The following MYOD1 variants were observed in gnomAD, a reference collection of about 807,000 sequenced individuals.
The protein encoded by MYOD1 is myogenic differentiation 1.
Under a neutral mutation model 14.9 loss-of-function variants are expected in MYOD1, and 15 were observed. That is an observed-to-expected ratio of 1.01 (90% CI 0.67 to 1.55). MYOD1 has a LOEUF of 1.55. MYOD1 is among the 40% of genes most tolerant of loss of function. MYOD1 has a pLI of 0.00. For missense variants in MYOD1, 529 were observed against 482.6 expected (o/e 1.10, Z -0.90); for synonymous variants, 235 against 218.6 (o/e 1.07, Z -0.66).
chr11:17,721,440 C>A lies in MYOD1; in HGVS notation c.895C>A (p.Gln299Lys). 3 of 1,597,834 alleles carry A rather than the reference C, an allele frequency of 1.9e-6. No individual in the cohort carries two copies. The highest frequency in any genetic ancestry group is 2.5e-6 in the Non-Finnish European group (3 of 1,177,316). ...SEGESSGDPT[Q>K]SPDAAPQCPA... ...GGGAGAGAGCAGCGGCGACCCCACC[C>A]AGTCACCGGACGCCGCCCCGCAGTG... The change falls in exon 3 of 3, where the codon CAG (glutamine) becomes AAG (lysine). Residue 299 changes from glutamine to lysine, a missense_variant. Gln to Lys is a moderately conservative substitution (Grantham distance 53). Transcript: ENST00000250003. The surrounding 1 kb of genome is among the most constrained non-coding windows in gnomAD (Gnocchi z 6.2).
In MYOD1 at chr11:17,719,860, G is replaced by C. The variant is rs375842019; in HGVS notation, c.78G>C (p.Thr26=). The change falls in exon 1 of 3, where the codon ACG becomes ACC. Residue 26 remains threonine (T), a synonymous_variant. Transcript: ENST00000250003. ...GCTCTCTCTGCTCCTTTGCCACAAC[G>C]GACGACTTCTATGACGACCCGTGTT... The part of the protein sequence containing the change: ...PDGSLCSFAT[T]DDFYDDPCFD... 6.2e-7 allele frequency: 1 copy of C among 1,613,826 alleles called. No homozygotes were observed. The highest frequency in any genetic ancestry group is 1.7e-5 in the Admixed American group (1 of 60,026).
In MYOD1 at chr11:17,721,323, T is replaced by TCCA; in HGVS notation, c.781_783dup (p.Thr261dup). 3.1e-6 allele frequency: 5 copies of TCCA among 1,591,004 alleles called. No homozygotes were observed. The highest frequency in any genetic ancestry group is 4.3e-6 in the Non-Finnish European group (5 of 1,175,572). ...CCTGTCCAGCATCGTGGAGCGCATC[T>TCCA]CCACCGAGAGCCCTGCGGCGCCCGC... is the stretch of plus-strand genomic sequence containing the variant. On this transcript the variant is annotated inframe_insertion, in exon 3 of 3. Coordinates refer to ENST00000250003, the MANE Select transcript of MYOD1 (RefSeq NM_002478.5). This position sits in a 1 kb window ranked among gnomAD's most constrained non-coding sequence, Gnocchi z 6.2.
At position 17,721,701 on chromosome 11, in the gene MYOD1, C is replaced by A; in HGVS notation, c.*193C>A. The A allele has an allele frequency of 1.7e-6, 1 of 579,110 alleles. No homozygotes were observed. The highest frequency in any genetic ancestry group is 2.8e-6 in the Non-Finnish European group (1 of 359,372). 35.9% of individuals were successfully genotyped at this position (579,110 alleles called of 1,614,324 possible). ...ACACAGCGCGGTTTTTTCCACGCAG[C>A]ACCCTTCTCGGAGACCCATTGCGAT... On this transcript the variant is annotated 3_prime_UTR_variant, in exon 3 of 3. Transcript: ENST00000250003. This position sits in a 1 kb window ranked among gnomAD's most constrained non-coding sequence, Gnocchi z 6.2.
rs375605280 is a variant in MYOD1 at position 17,719,793 on chromosome 11, T to G, written c.11T>G (p.Leu4Arg). MEL[L>R]SPPLRDVDLT... ...CGCCACCGCCAGGATATGGAGCTAC[T>G]GTCGCCACCGCTCCGCGACGTAGAC... The change falls in exon 1 of 3, where the codon CTG (leucine) becomes CGG (arginine). Residue 4 changes from leucine to arginine, a missense_variant. Coordinates refer to ENST00000250003, the MANE Select transcript of MYOD1 (RefSeq NM_002478.5). 3.1e-6 allele frequency: 5 copies of G among 1,612,700 alleles called. No homozygotes were observed. The African/African-American group carries it at 4.0e-5, about 13-fold the overall frequency.
At position 17,720,347 on chromosome 11, in the gene MYOD1, G is replaced by A; in HGVS notation, c.565G>A (p.Gly189Ser). The A allele has an allele frequency of 6.5e-7, 1 of 1,535,978 alleles. No individual in the cohort carries two copies. Among genetic ancestry groups the A allele is most frequent in the Non-Finnish European group, 8.7e-7 (1 of 1,151,178 alleles). ...GCCGGGCCCGCTGCCCCCGGGCCGC[G>A]GCGGCGAGCACTACAGCGGCGACTC... ...YAPGPLPPGR[G>S]GEHYSGDSDA... The change falls in exon 1 of 3, where the codon GGC becomes AGC. Residue 189 changes from glycine (G) to serine (S), a missense_variant. Coordinates refer to ENST00000250003, the MANE Select transcript of MYOD1 (RefSeq NM_002478.5).
At position 17,721,068 on chromosome 11, in the gene MYOD1, C is replaced by T; in HGVS notation, c.709+88C>T. On this transcript the variant is annotated intron_variant, in intron 2 of 2. Transcript: ENST00000250003. The surrounding 1 kb of genome is among the most constrained non-coding windows in gnomAD (Gnocchi z 6.2). The stretch of plus-strand genomic sequence containing the variant: ...TCTAGGACGCTCCCACCCCCACTCA[C>T]ACACGCCTATGTCCTGGGAAGTGGT... 1.4e-6 allele frequency: 2 copies of T among 1,425,980 alleles called. No individual in the cohort carries two copies. Among genetic ancestry groups the T allele is most frequent in the South Asian group, 1.5e-5 (1 of 68,364 alleles). 88.3% of individuals were successfully genotyped at this position (1,425,980 alleles called of 1,614,324 possible).
Position 17,721,883 on chromosome 11 carries a change from G to C in MYOD1, c.*375G>C, listed in dbSNP as rs183016031. ...GGGGGCGTGAGACCCAGTGCACTCC[G>C]GTCCCAAATGTAGCAGGTGTAACCG... On this transcript the variant is annotated 3_prime_UTR_variant, in exon 3 of 3. Coordinates refer to ENST00000250003, the MANE Select transcript of MYOD1 (RefSeq NM_002478.5). The surrounding 1 kb of genome is among the most constrained non-coding windows in gnomAD (Gnocchi z 6.2). The C allele has an allele frequency of 1.0e-5, 3 of 287,896 alleles. No individual in the cohort carries two copies. The highest frequency in any genetic ancestry group is 1.9e-5 in the Non-Finnish European group (3 of 155,824). 17.8% of individuals were successfully genotyped at this position (287,896 alleles called of 1,614,324 possible).
At position 17,719,976 on chromosome 11, in the gene MYOD1, T is replaced by A. The variant is rs200110749; in HGVS notation, c.194T>A (p.Phe65Tyr). Residue 65 changes from phenylalanine to tyrosine, a missense_variant, in exon 1 of 3, where the codon TTC becomes TAC. By Grantham distance (22) the Phe-to-Tyr change is conservative. Coordinates refer to ENST00000250003, the MANE Select transcript of MYOD1 (RefSeq NM_002478.5). ...ALLKPEEHSH[F>Y]PAAVHPAPGA... Reference sequence around the variant, plus strand: ...CTGAAACCCGAAGAGCACTCGCACTTCCCCGCGGCGGTGCACCCGGCCCCG... The same window carrying A: ...CTGAAACCCGAAGAGCACTCGCACTACCCCGCGGCGGTGCACCCGGCCCCG... 2.7e-5 allele frequency: 44 copies of A among 1,611,930 alleles called. No individual in the cohort carries two copies. The Admixed American group carries it at 4.2e-4, about 15-fold the overall frequency.
Position 17,719,874 on chromosome 11 carries a change from A to T in MYOD1, c.92A>T (p.Asp31Val), listed in dbSNP as rs964978987. 3 of 1,613,838 alleles carry T rather than the reference A, an allele frequency of 1.9e-6. No individual in the cohort carries two copies. Among genetic ancestry groups the T allele is most frequent in the Non-Finnish European group, 2.5e-6 (3 of 1,179,998 alleles). Reference sequence around the variant, plus strand: ...TTTGCCACAACGGACGACTTCTATGACGACCCGTGTTTCGACTCCCCGGAC... The same window carrying T: ...TTTGCCACAACGGACGACTTCTATGTCGACCCGTGTTTCGACTCCCCGGAC... ...CSFATTDDFY[D>V]DPCFDSPDLR... Residue 31 changes from aspartate to valine, a missense_variant, in exon 1 of 3, where the codon GAC becomes GTC. Asp to Val is a radical substitution (Grantham distance 152, BLOSUM62 -3). Transcript: ENST00000250003.
chr11:17,720,698 C>T (rs1367948288), intron 1 of MYOD1, among the ~76,000 whole-genome samples: 1 of 152,220 alleles, frequency 6.6e-6, no homozygotes, highest in Non-Finnish European at 1.5e-5. Context: ...ATTTGCGCCC[C>T]TTGGTGACTG....
chr11:17,719,737 G>A lies in MYOD1; in HGVS notation c.-46G>A. The A allele has an allele frequency of 6.4e-7, 1 of 1,560,650 alleles. No homozygotes were observed. On this transcript the variant is annotated 5_prime_UTR_variant, in exon 1 of 3. Coordinates refer to ENST00000250003, the MANE Select transcript of MYOD1 (RefSeq NM_002478.5). ...CAGAAAGTTCCGGCCACTCTCTGCC[G>A]CTTGGGTTGGGCGAAGCCAGGACCG...
rs754871621 is a variant in MYOD1, at chr11:17,719,958, C to T, written c.176C>T (p.Pro59Leu). The stretch of plus-strand genomic sequence containing the variant: ...ATGCACGTGGGCGCGCTCCTGAAAC[C>T]CGAAGAGCACTCGCACTTCCCCGCG... Reference protein sequence around the residue: ...RLMHVGALLKPEEHSHFPAAV... With the variant: ...RLMHVGALLKLEEHSHFPAAV... Residue 59 changes from proline to leucine, a missense_variant, in exon 1 of 3, where the codon CCC becomes CTC. Pro to Leu is a moderately conservative substitution (Grantham distance 98). Transcript: ENST00000250003. 2 of 1,613,290 alleles carry T rather than the reference C, an allele frequency of 1.2e-6. No individual in the cohort carries two copies. The highest frequency in any genetic ancestry group is 1.3e-5 in the African/African-American group (1 of 74,926).
rs991878320 is a variant in MYOD1, at chr11:17,721,608, A to G, written c.*100A>G. On this transcript the variant is annotated 3_prime_UTR_variant, in exon 3 of 3. Coordinates refer to ENST00000250003, the MANE Select transcript of MYOD1 (RefSeq NM_002478.5). This position sits in a 1 kb window ranked among gnomAD's most constrained non-coding sequence, Gnocchi z 6.2. ...TGCCCCCCTCCCAACAGCGCTTTAA[A>G]AGCGACCTCTCTTGAGGTAGGAGAG... The G allele has an allele frequency of 1.2e-5, 17 of 1,376,552 alleles. No homozygotes were observed. In the African/African-American group the frequency reaches 2.4e-4, roughly 19 times the overall value. The allele number at this position is 1,376,552 out of a possible 1,614,324, so 85.3% of individuals were successfully genotyped here.
At position 17,720,226 on chromosome 11, in the gene MYOD1, G is replaced by A. The variant is rs965053760; in HGVS notation, c.444G>A (p.Glu148=). Residue 148 remains glutamate, a synonymous_variant, in exon 1 of 3, where the codon GAG becomes GAA. Transcript: ENST00000250003. ...CAAACCAGCGGTTGCCCAAGGTGGA[G>A]ATCCTGCGCAACGCCATCCGCTATA... is the stretch of plus-strand genomic sequence containing the variant. ...SNPNQRLPKV[E]ILRNAIRYIE... The A allele has an allele frequency of 1.2e-6, 2 of 1,608,646 alleles. No individual in the cohort carries two copies. The highest frequency in any genetic ancestry group is 1.7e-6 in the Non-Finnish European group (2 of 1,178,422).
chr11:17,721,241 C>T lies in MYOD1; in HGVS notation c.710-14C>T. The T allele has an allele frequency of 2.6e-6, 4 of 1,525,118 alleles. No individual in the cohort carries two copies. Among genetic ancestry groups the T allele is most frequent in the Non-Finnish European group, 3.5e-6 (4 of 1,137,838 alleles). The allele number at this position is 1,525,118 out of a possible 1,614,324, so 94.5% of individuals were successfully genotyped here. A position where few individuals can be genotyped will look rare whatever the true frequency, so the allele number is the denominator to read the frequency against. ...GCCCCACCCCTGCTTACTAACCGAGCCCTCCCCGCGCAGAACCCAGGCCCG... is the reference window on the plus strand; with the variant it reads ...GCCCCACCCCTGCTTACTAACCGAGTCCTCCCCGCGCAGAACCCAGGCCCG... On this transcript the variant is annotated splice_polypyrimidine_tract_variant and intron_variant, in intron 2 of 2. Coordinates refer to ENST00000250003, the MANE Select transcript of MYOD1 (RefSeq NM_002478.5). This position sits in a 1 kb window ranked among gnomAD's most constrained non-coding sequence, Gnocchi z 6.2.
Position 17,720,996 on chromosome 11 carries a change from C to A in MYOD1, c.709+16C>A, listed in dbSNP as rs759205969. 1 of 1,565,402 alleles carries A rather than the reference C, an allele frequency of 6.4e-7. No homozygotes were observed. The highest frequency in any genetic ancestry group is 2.3e-5 in the East Asian group (1 of 42,868). On this transcript the variant is annotated intron_variant, in intron 2 of 2. Coordinates refer to ENST00000250003, the MANE Select transcript of MYOD1 (RefSeq NM_002478.5). ...GCGCCCAGCGGTGGGTATTCCGGGC[C>A]TCTCCCTGCTCGCTCCTCCTCCTTC...
chr11:17,720,476 T>C, intron 1 of MYOD1, 64 bp downstream of exon 1: 1 of 1,470,724 alleles, frequency 6.8e-7, no homozygotes, highest in Non-Finnish European at 8.9e-7. Context: ...GGGACGCGTT[T>C]CCGAGGGCGG....
In MYOD1 at chr11:17,719,670, A is replaced by C. The variant is rs940769498; in HGVS notation, c.-113A>C. ...TGGGGGACAGTGGGTGGGCATTCAG[A>C]CTGCCAGCACTTTGCTATCTACAGC... On this transcript the variant is annotated 5_prime_UTR_variant, in exon 1 of 3. Coordinates refer to ENST00000250003, the MANE Select transcript of MYOD1 (RefSeq NM_002478.5). 2.1e-5 allele frequency: 28 copies of C among 1,351,420 alleles called. No homozygotes were observed. In the Admixed American group the frequency reaches 6.6e-4, roughly 32 times the overall value. 83.7% of individuals were successfully genotyped at this position (1,351,420 alleles called of 1,614,324 possible). A position where few individuals can be genotyped will look rare whatever the true frequency, so the allele number is the denominator to read the frequency against.
In MYOD1 at chr11:17,721,466, C is replaced by T; in HGVS notation, c.921C>T (p.Cys307=). 6.3e-7 allele frequency: 1 copy of T among 1,590,538 alleles called. No homozygotes were observed. The highest frequency in any genetic ancestry group is 8.5e-7 in the Non-Finnish European group (1 of 1,174,244). ...PTQSPDAAPQ[C]PAGANPNPIY... is the part of the protein sequence containing the mutation. ...AGTCACCGGACGCCGCCCCGCAGTG[C>T]CCTGCGGGTGCGAACCCCAACCCGA... The change falls in exon 3 of 3, where the codon TGC becomes TGT. Residue 307 remains cysteine, a synonymous_variant. Transcript: ENST00000250003. The surrounding 1 kb of genome is among the most constrained non-coding windows in gnomAD (Gnocchi z 6.2).
Sources: allele counts gnomAD v4.1 joint callset (sites outside exome capture counted in the v4.1 genomes callset), GRCh38; gene constraint gnomAD v4.1.1; non-coding constraint Gnocchi (gnomAD v3.1); transcripts MANE v1.5; gene names NCBI Gene and HGNC (gene_info 2026-07-23, HGNC 2026-07-21).